Variants in SEMA3E observed in about 807,000 individuals in gnomAD.
SEMA3E encodes the protein semaphorin 3E.
SEMA3E carries 49 observed loss-of-function variants against 93.6 expected under a neutral mutation model. The ratio of observed to expected loss-of-function variants is 0.52; its 90% CI spans 0.42 to 0.66. The LOEUF (loss-of-function observed/expected upper bound fraction) is 0.66, where lower values mean the gene tolerates loss of function less well. SEMA3E is among the 30% of genes least tolerant of loss of function. The probability of loss-of-function intolerance (pLI) is 0.00; values close to 1 mark genes in which losing one functional copy is unlikely to be tolerated. For missense variants in SEMA3E, 906 were observed against 964.8 expected, an observed-to-expected ratio of 0.94 and a Z score of 0.81; for synonymous variants, 363 against 330.7, an observed-to-expected ratio of 1.10 and a Z score of -1.06.
At chr7:83,493,208 T>G (rs1790419581) in intron 1 of SEMA3E, among the ~76,000 whole-genome samples, 1 of 152,028 alleles carries the variant, frequency 6.6e-6, no homozygotes, top group Non-Finnish European at 1.5e-5. Context: ...ATTTTTGTTT[T>G]TCATACTGTT....
chr7:83,472,114 G>C (rs1180823303), intron 2 of SEMA3E, among the ~76,000 whole-genome samples: 1 of 152,046 alleles, frequency 6.6e-6, no homozygotes, highest in African/African-American at 2.4e-5. Context: ...TTACCTTTTT[G>C]TACATGCCCT....
intron 1 of SEMA3E, among the ~76,000 whole-genome samples, chr7:83,639,392 A>C (rs1011540982): frequency 6.6e-6 from 1 of 152,078 alleles, no homozygotes; most frequent in Non-Finnish European, 1.5e-5. Flanking sequence ...CTTCTAAAAA[A>C]TAAAGTTAGC....
intron 6 of SEMA3E, 52 bp downstream of exon 6, chr7:83,408,316 G>C (rs536924339): frequency 6.2e-7 from 1 of 1,610,790 alleles, no homozygotes; most frequent in South Asian, 1.1e-5. Context: ...TTTTCCGTAA[G>C]TTTTAGAGTT....
intron 4 of SEMA3E, among the ~76,000 whole-genome samples, chr7:83,419,046 A>C (rs2709896): frequency 0.53 from 80,894 of 151,360 alleles, 23,430 homozygotes; most frequent in East Asian, 0.85. Flanking sequence ...CTGCCCCCCT[A>C]CGTCTCATCC....
At chr7:83,533,466 C>G (rs1371844942) in intron 1 of SEMA3E, among the ~76,000 whole-genome samples, 1 of 152,110 alleles carries the variant, frequency 6.6e-6, no homozygotes, top group South Asian at 2.1e-4. Context: ...ATGGCTTGAA[C>G]CCGGGAGGCG....
intron 9 of SEMA3E, among the ~76,000 whole-genome samples, 200 bp from the exon 10 acceptor site, chr7:83,402,976 C>A (rs540072503): frequency 6.6e-6 from 1 of 151,940 alleles, no homozygotes; most frequent in African/African-American, 2.4e-5. Context: ...TTCTTAACTG[C>A]CTACTTAATA....
chr7:83,558,981 C>G (rs947828239), intron 1 of SEMA3E, among the ~76,000 whole-genome samples: 11 of 151,982 alleles, frequency 7.2e-5, no homozygotes, highest in African/African-American at 2.7e-4. Flanking sequence ...CCATACATTT[C>G]AAATAGAGTA....
At chr7:83,503,205 T>G (rs1790630776) in intron 1 of SEMA3E, among the ~76,000 whole-genome samples, 1 of 152,126 alleles carries the variant, frequency 6.6e-6, no homozygotes, top group African/African-American at 2.4e-5. Flanking sequence ...AAACAGCTAC[T>G]GCGTATTTTT....
chr7:83,555,996 C>A (rs1298252886), intron 1 of SEMA3E, among the ~76,000 whole-genome samples: 1 of 152,072 alleles, frequency 6.6e-6, no homozygotes, highest in African/African-American at 2.4e-5. Flanking sequence ...ATATAATTGC[C>A]CTTAATCCAA....
intron 1 of SEMA3E, among the ~76,000 whole-genome samples, chr7:83,542,651 C>A (rs117348459): frequency 0.014 from 2,113 of 151,910 alleles, 26 homozygotes; most frequent in Non-Finnish European, 0.021. Context: ...TAATATTTCA[C>A]CCTAGAAAGC....
At chr7:83,527,498 G>T (rs757991904) in intron 1 of SEMA3E, among the ~76,000 whole-genome samples, 37 of 152,128 alleles carry the variant, frequency 2.4e-4, no homozygotes, top group Non-Finnish European at 5.0e-4. Context: ...TTAGGTCCCT[G>T]CTTCTGCCAA....
At chr7:83,516,964 T>C (rs891269006) in intron 1 of SEMA3E, among the ~76,000 whole-genome samples, 1 of 150,186 alleles carries the variant, frequency 6.7e-6, no homozygotes, top group Non-Finnish European at 1.5e-5. Context: ...TATATGTATA[T>C]AAAATATAGA....
At chr7:83,474,364 T>C (rs535973809) in intron 2 of SEMA3E, among the ~76,000 whole-genome samples, 17 of 152,290 alleles carry the variant, frequency 1.1e-4, no homozygotes, top group African/African-American at 4.1e-4. Flanking sequence ...TTTTGAATTA[T>C]AGGTATAAAA....
At chr7:83,546,429 G>A (rs1791653031) in intron 1 of SEMA3E, among the ~76,000 whole-genome samples, 2 of 150,930 alleles carry the variant, frequency 1.3e-5, no homozygotes, top group Admixed American at 6.7e-5. Context: ...GGGAGGAGGA[G>A]GCTGCCAAAG....
At chr7:83,554,152 T>C (rs1431180724) in intron 1 of SEMA3E, among the ~76,000 whole-genome samples, 1 of 152,196 alleles carries the variant, frequency 6.6e-6, no homozygotes, top group Non-Finnish European at 1.5e-5. Context: ...GTTTACAGCA[T>C]GTGTTTACCC....
chr7:83,621,398 A>G (rs772414862), intron 1 of SEMA3E, among the ~76,000 whole-genome samples: 1 of 152,246 alleles, frequency 6.6e-6, no homozygotes, highest in Non-Finnish European at 1.5e-5. Flanking sequence ...AAGAATCAAT[A>G]TTGTGAAAAT....
At chr7:83,576,296 C>G (rs567703413) in intron 1 of SEMA3E, among the ~76,000 whole-genome samples, 2 of 152,084 alleles carry the variant, frequency 1.3e-5, no homozygotes, top group Non-Finnish European at 2.9e-5. Context: ...TATTTATCAA[C>G]CTTTTATTGG....
At chr7:83,481,263 T>C (rs1359317668) in intron 2 of SEMA3E, among the ~76,000 whole-genome samples, 1 of 152,166 alleles carries the variant, frequency 6.6e-6, no homozygotes, top group African/African-American at 2.4e-5. Flanking sequence ...TGTCACATTA[T>C]GATCAGAAAG....
chr7:83,463,501 G>A (rs1789679095), intron 4 of SEMA3E, among the ~76,000 whole-genome samples: 1 of 152,018 alleles, frequency 6.6e-6, no homozygotes, highest in South Asian at 2.1e-4. Flanking sequence ...GTTGTTGCTG[G>A]CCCAGACTTC....
Sources: allele counts gnomAD v4.1 joint callset (sites outside exome capture counted in the v4.1 genomes callset), GRCh38; gene constraint gnomAD v4.1.1; transcripts MANE v1.5; gene names NCBI Gene and HGNC (gene_info 2026-07-23, HGNC 2026-07-21).